NXPH2: variants seen among roughly 807,000 people sequenced by gnomAD.
The protein encoded by NXPH2 is neurexophilin 2, also known as neurexophilin-2.
NXPH2 carries 5 observed loss-of-function variants against 19.8 expected under a neutral mutation model. The ratio of observed to expected loss-of-function variants is 0.25; its 90% CI spans 0.13 to 0.53. NXPH2 has a LOEUF of 0.53. Ranked by LOEUF, NXPH2 falls within the 20% of genes least tolerant of loss-of-function variation. NXPH2 has a pLI of 0.96. For missense variants in NXPH2, 289 were observed against 322.8 expected (o/e 0.90, Z 0.80); for synonymous variants, 154 against 127.4 (o/e 1.21, Z -1.41).
At chr2:138,729,640 C>T (rs564615260) in intron 1 of NXPH2, among the ~76,000 whole-genome samples, 6 of 152,330 alleles carry the variant, frequency 3.9e-5, no homozygotes, top group Admixed American at 6.5e-5. Context: ...TCTCAAATCA[C>T]GAATCTCTGC....
intron 1 of NXPH2, among the ~76,000 whole-genome samples, chr2:138,720,864 GCCTGA>G (rs2104993600): frequency 6.6e-6 from 1 of 152,274 alleles, no homozygotes; most frequent in East Asian, 1.9e-4. Context: ...CTTGGACAAA[GCCTGA>G]CACATTGGAG....
At chr2:138,771,576 C>T (rs1682177421) in intron 1 of NXPH2, among the ~76,000 whole-genome samples, 1 of 152,070 alleles carries the variant, frequency 6.6e-6, no homozygotes, top group Non-Finnish European at 1.5e-5. Context: ...AGAAGCACTT[C>T]CGGGGAAGCC....
At chr2:138,725,025 A>G (rs1282395039) in intron 1 of NXPH2, among the ~76,000 whole-genome samples, 1 of 152,236 alleles carries the variant, frequency 6.6e-6, no homozygotes, top group East Asian at 1.9e-4. Context: ...TATTTTCTGC[A>G]TTAACAAATG....
intron 1 of NXPH2, among the ~76,000 whole-genome samples, chr2:138,750,533 T>C (rs1280499669): frequency 6.6e-6 from 1 of 152,176 alleles, no homozygotes; most frequent in South Asian, 2.1e-4. Context: ...AACCAGCAGA[T>C]TGAAATCTCA....
At chr2:138,719,463 T>C (rs1004532662) in intron 1 of NXPH2, among the ~76,000 whole-genome samples, 4 of 152,220 alleles carry the variant, frequency 2.6e-5, no homozygotes, top group Non-Finnish European at 5.9e-5. Flanking sequence ...TAATACATAA[T>C]ATGTAAATAT....
At chr2:138,679,136 C>T (rs1680531887) in intron 1 of NXPH2, among the ~76,000 whole-genome samples, 1 of 152,212 alleles carries the variant, frequency 6.6e-6, no homozygotes, top group African/African-American at 2.4e-5. Context: ...GAGATTTCTC[C>T]ACACTCACTG....
In NXPH2 at chr2:138,676,004, C is replaced by CT. The variant is rs570241008; in HGVS notation, c.52-4340dup. Among the ~76,000 whole-genome samples, 297 of 151,138 alleles carry CT rather than the reference C, an allele frequency of 2.0e-3. 1 individual carries two copies. Among genetic ancestry groups the CT allele is most frequent in the African/African-American group, 6.7e-3 (277 of 41,176 alleles). ...GTGTGTATAAATCTATATAAAAGCA[C>CT]TTTTTTTTAAAATTTGGCTTTCCTT... On this transcript the variant is annotated intron_variant, in intron 1 of 1. Coordinates refer to ENST00000272641, the MANE Select transcript of NXPH2 (RefSeq NM_007226.3).
chr2:138,775,614 A>G (rs762885829), intron 1 of NXPH2, among the ~76,000 whole-genome samples: 6 of 152,140 alleles, frequency 3.9e-5, no homozygotes, highest in Admixed American at 1.3e-4. Context: ...GGAAAAGGTT[A>G]TCTAAAATCA....
intron 1 of NXPH2, among the ~76,000 whole-genome samples, chr2:138,731,967 C>A (rs906263522): frequency 1.3e-5 from 2 of 152,124 alleles, no homozygotes; most frequent in Non-Finnish European, 2.9e-5. Context: ...TGCACTTCTG[C>A]CAAAATCTGT....
chr2:138,745,107 G>A (rs1379694493), intron 1 of NXPH2, among the ~76,000 whole-genome samples: 2 of 152,136 alleles, frequency 1.3e-5, no homozygotes, highest in Non-Finnish European at 2.9e-5. Context: ...TTCTCAAGCT[G>A]CCCTTCTTGT....
chr2:138,765,295 G>A (rs978476617), intron 1 of NXPH2, among the ~76,000 whole-genome samples: 1 of 152,202 alleles, frequency 6.6e-6, no homozygotes, highest in South Asian at 2.1e-4. Flanking sequence ...TTGAGCAGCA[G>A]CCCAGCTGTG....
chr2:138,749,543 A>G (rs570827946), intron 1 of NXPH2, among the ~76,000 whole-genome samples: 41 of 152,292 alleles, frequency 2.7e-4, no homozygotes, highest in African/African-American at 8.7e-4. Context: ...ATTTAAAATA[A>G]TAATTTAATA....
intron 1 of NXPH2, among the ~76,000 whole-genome samples, chr2:138,772,756 T>C (rs1251203945): frequency 6.6e-6 from 1 of 152,144 alleles, no homozygotes; most frequent in African/African-American, 2.4e-5. Flanking sequence ...CCTAGAAATG[T>C]CCCTCAAGTC....
At chr2:138,713,756 C>T (rs1681145445) in intron 1 of NXPH2, among the ~76,000 whole-genome samples, 1 of 152,102 alleles carries the variant, frequency 6.6e-6, no homozygotes. Context: ...CAGAGGGGAG[C>T]TTCTCCAGCC....
At chr2:138,750,130 A>AT (rs1361521285) in intron 1 of NXPH2, among the ~76,000 whole-genome samples, 6 of 152,166 alleles carry the variant, frequency 3.9e-5, no homozygotes, top group Non-Finnish European at 7.4e-5. Context: ...CTTCTATAGG[A>AT]TAAAAATAAT....
intron 1 of NXPH2, among the ~76,000 whole-genome samples, chr2:138,713,236 C>T (rs1301998560): frequency 6.6e-6 from 1 of 152,208 alleles, no homozygotes; most frequent in Non-Finnish European, 1.5e-5. Context: ...GGATTTGGGT[C>T]TGACCTCCCT....
At chr2:138,687,001 C>T (rs1383736507) in intron 1 of NXPH2, among the ~76,000 whole-genome samples, 26 of 152,110 alleles carry the variant, frequency 1.7e-4, no homozygotes, top group East Asian at 5.8e-4. Context: ...TGAATAGTGC[C>T]GCAATAAACA....
intron 1 of NXPH2, among the ~76,000 whole-genome samples, chr2:138,726,278 G>A (rs1681357486): frequency 6.6e-6 from 1 of 152,034 alleles, no homozygotes; most frequent in East Asian, 1.9e-4. Context: ...CTCCTGACCT[G>A]AAGTGATCTG....
At chr2:138,766,433 G>A (rs1040482437) in intron 1 of NXPH2, among the ~76,000 whole-genome samples, 3 of 152,276 alleles carry the variant, frequency 2.0e-5, no homozygotes, top group African/African-American at 7.2e-5. Flanking sequence ...AATGTCTGGA[G>A]ACTTTTTTTG....
Sources: allele counts gnomAD v4.1 joint callset (sites outside exome capture counted in the v4.1 genomes callset), GRCh38; gene constraint gnomAD v4.1.1; transcripts MANE v1.5; gene names NCBI Gene and HGNC (gene_info 2026-07-23, HGNC 2026-07-21).